TRIP12: variants seen among roughly 807,000 people sequenced by gnomAD.
The protein encoded by TRIP12 is thyroid hormone receptor interactor 12, also known as E3 ubiquitin-protein ligase TRIP12.
A neutral mutation model predicts 244.2 loss-of-function variants in TRIP12; 25 were observed. That is an observed-to-expected ratio of 0.10 (90% CI 0.07 to 0.14). The LOEUF is 0.14. Ranked by LOEUF, TRIP12 falls within the 10% of genes least tolerant of loss-of-function variation. The pLI, the probability that TRIP12 is intolerant of heterozygous loss-of-function variation, is 1.00. For missense variants in TRIP12, 1,677 were observed against 2,486.4 expected (o/e 0.67, Z 6.92); for synonymous variants, 905 against 873.1 (o/e 1.04, Z -0.64).
intron 1 of TRIP12, 41 bp from the exon 2 acceptor site, chr2:229,880,169 A>G: frequency 8.1e-7 from 1 of 1,231,296 alleles, no homozygotes; most frequent in Non-Finnish European, 1.2e-6. Flanking sequence ...CAGATGTACA[A>G]AATACAATAT....
At chr2:229,885,336 A>G (rs753703879) in intron 1 of TRIP12, among the ~76,000 whole-genome samples, 2 of 152,204 alleles carry the variant, frequency 1.3e-5, no homozygotes, top group Non-Finnish European at 2.9e-5. Context: ...CACAATTTGC[A>G]AGGTACTTTA....
At chr2:229,899,251 G>A (rs956086985) in intron 1 of TRIP12, among the ~76,000 whole-genome samples, 3 of 152,034 alleles carry the variant, frequency 2.0e-5, no homozygotes, top group Admixed American at 6.5e-5. Flanking sequence ...ATTTATATAC[G>A]CAATCACTTT....
chr2:229,843,360 C>A (rs1269134069), intron 4 of TRIP12, among the ~76,000 whole-genome samples: 1 of 152,118 alleles, frequency 6.6e-6, no homozygotes, highest in Non-Finnish European at 1.5e-5. Flanking sequence ...ATGAAACTGG[C>A]AGTTAGTATG....
chr2:229,897,230 C>T (rs895366654), intron 1 of TRIP12, among the ~76,000 whole-genome samples: 1 of 152,222 alleles, frequency 6.6e-6, no homozygotes, highest in African/African-American at 2.4e-5. Flanking sequence ...CTGCAATTCT[C>T]AATTTATATA....
In TRIP12 at chr2:229,805,739, T is replaced by C. The variant is rs750133504; in HGVS notation, c.2641A>G (p.Ser881Gly). 3 of 1,594,716 alleles carry C rather than the reference T, an allele frequency of 1.9e-6. No individual in the cohort carries two copies. The highest frequency in any genetic ancestry group is 2.6e-6 in the Non-Finnish European group (3 of 1,164,934). The change falls in exon 18 of 42, where the codon AGT becomes GGT. Residue 881 changes from serine to glycine, a missense_variant. Physicochemically the swap from Ser to Gly is moderately conservative, Grantham distance 56. Transcript: ENST00000675903. ...IQRKPNPLAN[S>G]NTSGYSESKK... The stretch of plus-strand genomic sequence containing the variant: ...CTCAGAATGTACTTACTAGTGTTAC[T>C]ATTGGCTAACGGGTTAGGTTTTCTC...
At chr2:229,841,580 T>A (rs2056432570) in intron 4 of TRIP12, among the ~76,000 whole-genome samples, 1 of 152,084 alleles carries the variant, frequency 6.6e-6, no homozygotes, top group Non-Finnish European at 1.5e-5. Flanking sequence ...TTATGAACAA[T>A]AAGAAAGCCA....
intron 18 of TRIP12, 87 bp from the exon 19 acceptor site, chr2:229,804,314 G>T: frequency 2.5e-6 from 3 of 1,184,386 alleles, no homozygotes; most frequent in Non-Finnish European, 3.6e-6. Context: ...TCAAGCCAGT[G>T]TAATTCTTGA....
intron 1 of TRIP12, among the ~76,000 whole-genome samples, chr2:229,908,289 G>A (rs1222614148): frequency 6.6e-6 from 1 of 152,100 alleles, no homozygotes; most frequent in African/African-American, 2.4e-5. Flanking sequence ...ACATCAAAAA[G>A]GGAACCAGGA....
In TRIP12 at chr2:229,893,013, C is replaced by T. The variant is rs148237701; in HGVS notation, c.-49-12885G>A. On this transcript the variant is annotated intron_variant, in intron 1 of 41. Coordinates refer to ENST00000675903, the MANE Select transcript of TRIP12 (RefSeq NM_001348323.3). ...ACACAAATTGAATTATCTTCCTGAA[C>T]TTTCCATTTTGATTCTTCTTTTACT... Among the ~76,000 whole-genome samples, 14 of 152,316 alleles carry T rather than the reference C, an allele frequency of 9.2e-5. No individual in the cohort carries two copies. The East Asian group carries it at 2.7e-3, about 29-fold the overall frequency.
intron 38 of TRIP12, among the ~76,000 whole-genome samples, chr2:229,772,204 T>G (rs984975819): frequency 6.6e-6 from 1 of 152,222 alleles, no homozygotes; most frequent in African/African-American, 2.4e-5. Context: ...ATCACTGACT[T>G]TGGGTAGCCC....
At chr2:229,922,505 C>A, upstream of TRIP12, 1 of 1,613,852 alleles carries the variant, frequency 6.2e-7, no homozygotes, top group Non-Finnish European at 8.5e-7. Context: ...ACGGCGGTGG[C>A]GTCCCAAGAT....
Position 229,879,971 on chromosome 2 carries a change from GA to G in TRIP12, c.98+10del, listed in dbSNP as rs771521558. On this transcript the variant is annotated intron_variant, in intron 2 of 41. Coordinates refer to ENST00000675903, the MANE Select transcript of TRIP12 (RefSeq NM_001348323.3). ...TCCCAATTCCTTTTCAAATTACCAT[GA>G]AATACATACCTTCCTCCTATTGAGT... 6.2e-7 allele frequency: 1 copy of G among 1,613,600 alleles called. No individual in the cohort carries two copies. Among genetic ancestry groups the G allele is most frequent in the Non-Finnish European group, 8.5e-7 (1 of 1,179,602 alleles).
chr2:229,769,717 A>G (rs985635175), intron 39 of TRIP12, among the ~76,000 whole-genome samples: 2 of 152,112 alleles, frequency 1.3e-5, no homozygotes, highest in Non-Finnish European at 2.9e-5. Context: ...GTATACAGTA[A>G]CAGATGCCAA....
Position 229,807,740 on chromosome 2 carries a change from G to C in TRIP12, c.2464C>G (p.Pro822Ala). The change falls in exon 17 of 42, where the codon CCA (proline) becomes GCA (alanine). Residue 822 changes from proline to alanine, a missense_variant. Transcript: ENST00000675903. Reference protein sequence around the residue: ...QWRDDRGLWHPYNRIDSRIIE... With the variant: ...QWRDDRGLWHAYNRIDSRIIE... ...ATCCGGCTGTCAATCCTGTTATATG[G>C]ATGCCAGAGGCCCCGATCATCACGC... 6.2e-7 allele frequency: 1 copy of C among 1,614,088 alleles called. No homozygotes were observed. Among genetic ancestry groups the C allele is most frequent in the Non-Finnish European group, 8.5e-7 (1 of 1,180,026 alleles).
intron 1 of TRIP12, among the ~76,000 whole-genome samples, chr2:229,905,642 T>C (rs1192405105): frequency 2.0e-5 from 3 of 152,216 alleles, no homozygotes; most frequent in Non-Finnish European, 4.4e-5. Flanking sequence ...CTACCAAAAT[T>C]ATCACTGTCT....
intron 1 of TRIP12, among the ~76,000 whole-genome samples, chr2:229,890,968 G>A (rs548727496): frequency 2.0e-5 from 3 of 152,228 alleles, no homozygotes; most frequent in Admixed American, 2.0e-4. Flanking sequence ...TGGGGGTATG[G>A]GAAAATCAAA....
chr2:229,776,943 G>T (rs1381859292), intron 37 of TRIP12, among the ~76,000 whole-genome samples: 1 of 152,128 alleles, frequency 6.6e-6, no homozygotes, highest in African/African-American at 2.4e-5. Context: ...AAACAAGACT[G>T]TTCCTAAATT....
chr2:229,852,767 T>C lies in TRIP12; in HGVS notation c.1027+6005A>G, dbSNP rs530265269. ...TAGATCTTCTGCCAGCCCTAGTGCCTCGCCGGGAACTTGTTCATTGGTCTA... is the reference window on the plus strand; with the variant it reads ...TAGATCTTCTGCCAGCCCTAGTGCCCCGCCGGGAACTTGTTCATTGGTCTA... On this transcript the variant is annotated intron_variant, in intron 4 of 41. Coordinates refer to ENST00000675903, the MANE Select transcript of TRIP12 (RefSeq NM_001348323.3). 4.6e-5 allele frequency among the ~76,000 whole-genome samples: 7 copies of C among 152,302 alleles called. No homozygotes were observed. The South Asian group carries it at 1.4e-3, about 32-fold the overall frequency.
intron 6 of TRIP12, 47 bp from the exon 7 acceptor site, chr2:229,830,886 C>CATTATG: frequency 6.3e-7 from 1 of 1,581,992 alleles, no homozygotes; most frequent in Non-Finnish European, 8.6e-7. Flanking sequence ...CACTTAAACA[C>CATTATG]ATTATGTCTG....
Sources: allele counts gnomAD v4.1 joint callset (sites outside exome capture counted in the v4.1 genomes callset), GRCh38; gene constraint gnomAD v4.1.1; transcripts MANE v1.5; gene names NCBI Gene and HGNC (gene_info 2026-07-23, HGNC 2026-07-21).